The following ERBB4 variants were observed in gnomAD, a reference collection of about 807,000 sequenced individuals.
ERBB4 encodes the protein receptor tyrosine-protein kinase erbB-4.
A neutral mutation model predicts 158.0 loss-of-function variants in ERBB4; 42 were observed. The observed-to-expected ratio is 0.27, with a 90% confidence interval of 0.21 to 0.34. The LOEUF is 0.34. Among genes scored for constraint, ERBB4 ranks in the 10% least tolerant of loss-of-function variants. The pLI is 1.00. For synonymous variants in ERBB4, 583 were observed against 558.7 expected (o/e 1.04, Z -0.61); for missense variants, 1,333 against 1,624.1 (o/e 0.82, Z 3.08).
At chr2:212,357,202 C>T (rs1574758787) in intron 1 of ERBB4, among the ~76,000 whole-genome samples, 2 of 151,676 alleles carry the variant, frequency 1.3e-5, no homozygotes, top group African/African-American at 4.8e-5. Context: ...TCATTCAGAA[C>T]AATGAGCTTT....
intron 19 of ERBB4, among the ~76,000 whole-genome samples, chr2:211,610,935 GTC>G (rs1006837577): frequency 3.9e-5 from 6 of 152,090 alleles, no homozygotes; most frequent in African/African-American, 1.2e-4. Context: ...GATCTGGATA[GTC>G]TCTTTTAGGT....
intron 1 of ERBB4, among the ~76,000 whole-genome samples, chr2:212,511,175 C>G (rs1004588753): frequency 1.3e-5 from 2 of 152,068 alleles, no homozygotes; most frequent in East Asian, 3.9e-4. Context: ...ATTAAAGATG[C>G]CACTGTAACT....
intron 1 of ERBB4, among the ~76,000 whole-genome samples, chr2:212,140,998 AT>A (rs2080447015): frequency 6.6e-6 from 1 of 151,530 alleles, no homozygotes; most frequent in Non-Finnish European, 1.5e-5. Flanking sequence ...TATTTTACTA[AT>A]TATTTATCTC....
chr2:211,909,834 G>A (rs1406257551), intron 3 of ERBB4, among the ~76,000 whole-genome samples: 4 of 151,798 alleles, frequency 2.6e-5, no homozygotes, highest in Non-Finnish European at 5.9e-5. Flanking sequence ...TAAGATAAAT[G>A]ACAAGAATGT....
chr2:212,399,634 G>A (rs1465608814), intron 1 of ERBB4, among the ~76,000 whole-genome samples: 3 of 143,156 alleles, frequency 2.1e-5, no homozygotes, highest in Non-Finnish European at 4.5e-5. Context: ...GGAGGTCGAG[G>A]TGGGTGGATC....
At chr2:211,990,267 AG>A (rs200621434) in intron 2 of ERBB4, among the ~76,000 whole-genome samples, 1 of 148,246 alleles carries the variant, frequency 6.7e-6, no homozygotes, top group Non-Finnish European at 1.5e-5. Flanking sequence ...ATAATAAAAA[AG>A]CCATTAAAAT....
intron 1 of ERBB4, among the ~76,000 whole-genome samples, chr2:212,344,083 G>A (rs2088855875): frequency 6.6e-6 from 1 of 151,940 alleles, no homozygotes; most frequent in Admixed American, 6.6e-5. Context: ...AAAATTTAGG[G>A]GAAAAATATG....
chr2:211,905,738 G>GTATA lies in ERBB4; in HGVS notation c.421+41691_421+41692insTATA, dbSNP rs1469524984. 2.4e-4 allele frequency among the ~76,000 whole-genome samples: 26 copies of GTATA among 108,232 alleles called. 1 individual carries two copies. Among genetic ancestry groups the GTATA allele is most frequent in the Admixed American group, 6.2e-4 (7 of 11,260 alleles). 71.0% of individuals were successfully genotyped at this position (108,232 alleles called of 152,430 possible). A position where few individuals can be genotyped will look rare whatever the true frequency, so the allele number is the denominator to read the frequency against. Reference sequence around the variant, plus strand: ...TATATGTGTGTGTATGTGTGTGCATGTGTGTGTATATATATATATATATAT... The same window carrying GTATA: ...TATATGTGTGTGTATGTGTGTGCATGTATATGTGTGTATATATATATATATATAT... On this transcript the variant is annotated intron_variant, in intron 3 of 27. Transcript: ENST00000342788.
intron 2 of ERBB4, among the ~76,000 whole-genome samples, chr2:212,076,665 G>A (rs1255857083): frequency 6.6e-6 from 1 of 151,904 alleles, no homozygotes; most frequent in African/African-American, 2.4e-5. Context: ...ACAGTTGGCA[G>A]GGTAAGAGAA....
chr2:211,716,679 A>AAACAAC (rs139631300), intron 7 of ERBB4, among the ~76,000 whole-genome samples: 1 of 151,168 alleles, frequency 6.6e-6, no homozygotes. Context: ...CCGTCTCAAA[A>AAACAAC]AACAACAACA....
intron 1 of ERBB4, among the ~76,000 whole-genome samples, chr2:212,380,215 G>A (rs1011615927): frequency 1.3e-5 from 2 of 150,788 alleles, no homozygotes; most frequent in East Asian, 3.9e-4. Context: ...AATATTCAGG[G>A]GAAAAAATGT....
intron 12 of ERBB4, among the ~76,000 whole-genome samples, chr2:211,692,080 C>T (rs181291249): frequency 5.2e-4 from 79 of 152,268 alleles, no homozygotes; most frequent in African/African-American, 1.8e-3. Flanking sequence ...TAGAGATAGG[C>T]GTTTGACCCA....
At chr2:212,515,717 T>G (rs1691800837) in intron 1 of ERBB4, among the ~76,000 whole-genome samples, 1 of 151,956 alleles carries the variant, frequency 6.6e-6, no homozygotes, top group South Asian at 2.1e-4. Context: ...CAAAAAAAAT[T>G]TTGAAATCAA....
intron 2 of ERBB4, among the ~76,000 whole-genome samples, chr2:211,997,433 C>T (rs1195944212): frequency 6.6e-6 from 1 of 151,834 alleles, no homozygotes; most frequent in Non-Finnish European, 1.5e-5. Flanking sequence ...GTTGTAAACA[C>T]ATTAAATTAA....
intron 2 of ERBB4, among the ~76,000 whole-genome samples, chr2:212,030,667 C>T (rs953286615): frequency 3.3e-5 from 5 of 152,020 alleles, no homozygotes; most frequent in African/African-American, 9.7e-5. Context: ...CCCTGGGGAC[C>T]TTTAGAGAAT....
At chr2:211,715,961 T>C (rs112136083) in intron 7 of ERBB4, among the ~76,000 whole-genome samples, 109 of 152,320 alleles carry the variant, frequency 7.2e-4, no homozygotes, top group African/African-American at 2.5e-3. Context: ...TAATTAGTCT[T>C]ATATCAGTTA....
rs757262177 is a variant in ERBB4 at position 211,788,082 on chromosome 2, C to T, written c.499G>A (p.Val167Ile). 24 of 1,613,080 alleles carry T rather than the reference C, an allele frequency of 1.5e-5. No homozygotes were observed. In the Admixed American group the frequency reaches 3.7e-4, roughly 25 times the overall value. The change falls in exon 4 of 28, where the codon GTT becomes ATT. Residue 167 changes from valine to isoleucine, a missense_variant. Around this residue, in one of 5 missense-constraint regions of ERBB4, gnomAD observed 438 missense variants for 586.9 expected, o/e 0.75. Coordinates refer to ENST00000342788, the MANE Select transcript of ERBB4 (RefSeq NM_005235.3). ...YADTIHWQDI[V>I]RNPWPSNLTL... ...AAGTTGGAAGGCCATGGGTTCCGAA[C>T]AATATCTTGCCAATGAATGGTGTCT... is the stretch of plus-strand genomic sequence containing the variant.
chr2:212,260,071 A>G (rs2106081987), intron 1 of ERBB4, among the ~76,000 whole-genome samples: 1 of 103,072 alleles, frequency 9.7e-6, no homozygotes, highest in Middle Eastern at 5.7e-3. Flanking sequence ...TCTGTCTCAG[A>G]AAAAAAAAAA....
intron 1 of ERBB4, among the ~76,000 whole-genome samples, chr2:212,245,200 G>GA (rs575419100): frequency 2.0e-5 from 3 of 150,758 alleles, no homozygotes; most frequent in Non-Finnish European, 3.0e-5. Flanking sequence ...AAAAAGAGTT[G>GA]AAAAAAAAAG....
Sources: gnomAD v4.1 joint callset for allele counts (sites outside exome capture counted in the v4.1 genomes callset) on GRCh38, gnomAD v4.1.1 for gene constraint, gnomAD v4.1.1 regional missense constraint, MANE v1.5 for transcripts, NCBI Gene and HGNC (gene_info 2026-07-23, HGNC 2026-07-21) for gene names.